The following CHODL variants were observed in gnomAD, a reference collection of about 807,000 sequenced individuals.
The protein encoded by CHODL is transmembrane protein MT75.
A neutral mutation model predicts 34.5 loss-of-function variants in CHODL; 29 were observed. The observed-to-expected ratio is 0.84, with a 90% CI of 0.63 to 1.15. The LOEUF (loss-of-function observed/expected upper bound fraction) is 1.15. Among genes scored for constraint, CHODL ranks in the 50% most tolerant of loss-of-function variants. The pLI is 0.00. For missense variants in CHODL, 332 were observed against 332.5 expected, an observed-to-expected ratio of 1.00 and a Z score of 0.01; for synonymous variants, 125 against 116.1, an observed-to-expected ratio of 1.08 and a Z score of -0.49.
Position 18,174,959 on chromosome 21 carries a change from A to T in CHODL, c.-44-81550A>T, listed in dbSNP as rs537824617. 5.8e-4 allele frequency among the ~76,000 whole-genome samples: 88 copies of T among 152,316 alleles called. 1 individual carries two copies. In the South Asian group the frequency reaches 0.017, roughly 29 times the overall value. ...AATCCTTGATTTTCCACTTTCAGCTATGTTTCTTTTAGCAAGACAAACTTC... is the reference window on the plus strand; with the variant it reads ...AATCCTTGATTTTCCACTTTCAGCTTTGTTTCTTTTAGCAAGACAAACTTC... On this transcript the variant is annotated intron_variant, in intron 2 of 6. Transcript: ENST00000400127.
At position 18,143,720 on chromosome 21, in the gene CHODL, CTAGGTGA is replaced by C. The variant is rs1459224407; in HGVS notation, c.-44-112785_-44-112779del. On this transcript the variant is annotated intron_variant, in intron 2 of 6. Transcript: ENST00000400127. ...GCATAGTGTCCAGAACATATTAATG[CTAGGTGA>C]TAGTTGGCCATTATTATAACTCAAT... Among the ~76,000 whole-genome samples, 16 of 152,062 alleles carry C rather than the reference CTAGGTGA, an allele frequency of 1.1e-4. No individual in the cohort carries two copies. In the East Asian group the frequency reaches 2.9e-3, roughly 27 times the overall value.
chr21:18,135,782 A>G (rs1295214878), intron 2 of CHODL, among the ~76,000 whole-genome samples: 1 of 152,134 alleles, frequency 6.6e-6, no homozygotes, highest in East Asian at 1.9e-4. Flanking sequence ...TAGTTGTTCA[A>G]TATAAGTGTT....
intron 2 of CHODL, among the ~76,000 whole-genome samples, chr21:18,105,309 A>G (rs2065260396): frequency 6.6e-6 from 1 of 152,194 alleles, no homozygotes; most frequent in African/African-American, 2.4e-5. Context: ...GCTGTAGCAG[A>G]GCAAGCTGTG....
intron 2 of CHODL, among the ~76,000 whole-genome samples, chr21:18,180,987 A>G (rs1005056654): frequency 6.6e-6 from 1 of 152,202 alleles, no homozygotes; most frequent in Non-Finnish European, 1.5e-5. Flanking sequence ...TAAATGCTAA[A>G]TAAATTATAA....
At chr21:18,083,846 A>G (rs1241667570) in intron 2 of CHODL, among the ~76,000 whole-genome samples, 1 of 152,212 alleles carries the variant, frequency 6.6e-6, no homozygotes, top group Admixed American at 6.5e-5. Flanking sequence ...CATGGACAGA[A>G]GGGACTTGCC....
intron 1 of CHODL, among the ~76,000 whole-genome samples, chr21:17,924,669 A>G (rs1452957005): frequency 6.6e-6 from 1 of 152,242 alleles, no homozygotes; most frequent in Non-Finnish European, 1.5e-5. Context: ...TGGACTTTTT[A>G]TTATCTGAAA....
intron 2 of CHODL, among the ~76,000 whole-genome samples, chr21:18,214,030 T>C (rs1370781910): frequency 6.6e-6 from 1 of 152,076 alleles, no homozygotes; most frequent in Non-Finnish European, 1.5e-5. Flanking sequence ...GCCAAGTCTT[T>C]TCTCAAGAAG....
At chr21:18,008,346 G>T (rs2063980156) in intron 1 of CHODL, among the ~76,000 whole-genome samples, 1 of 151,750 alleles carries the variant, frequency 6.6e-6, no homozygotes, top group African/African-American at 2.4e-5. Context: ...TGTAACAATA[G>T]TTAACATTAA....
intron 1 of CHODL, among the ~76,000 whole-genome samples, chr21:18,027,208 A>G (rs1246254145): frequency 6.6e-6 from 1 of 152,126 alleles, no homozygotes; most frequent in Non-Finnish European, 1.5e-5. Context: ...CAGGAATTTG[A>G]GGCTGCAGTG....
chr21:18,028,266 TTTTCCTTTTCCCCTTCCTTCC>T (rs1568851004), intron 2 of CHODL, among the ~76,000 whole-genome samples: 7 of 44,304 alleles, frequency 1.6e-4, no homozygotes, highest in Admixed American at 7.3e-4. Flanking sequence ...TTCTTTTTCT[TTTTCCTTTTCCCCTTCCTTCC>T]TTCCTTCCTT....
chr21:17,987,244 G>A (rs907582346), intron 1 of CHODL, among the ~76,000 whole-genome samples: 2 of 152,002 alleles, frequency 1.3e-5, no homozygotes, highest in East Asian at 3.9e-4. Flanking sequence ...CCAGGGACAG[G>A]GTTTCTACCA....
intron 1 of CHODL, among the ~76,000 whole-genome samples, chr21:18,015,619 A>G (rs2064065499): frequency 6.6e-6 from 1 of 152,162 alleles, no homozygotes; most frequent in Non-Finnish European, 1.5e-5. Flanking sequence ...AGAAGAAGAC[A>G]GGAAAATGAG....
intron 2 of CHODL, among the ~76,000 whole-genome samples, chr21:18,208,582 G>T (rs1232950376): frequency 6.6e-6 from 1 of 151,956 alleles, no homozygotes; most frequent in Non-Finnish European, 1.5e-5. Flanking sequence ...GAATAGCTAA[G>T]CATTTATTGC....
intron 1 of CHODL, among the ~76,000 whole-genome samples, chr21:17,921,481 C>G (rs564972604): frequency 6.6e-6 from 1 of 152,282 alleles, no homozygotes; most frequent in African/African-American, 2.4e-5. Context: ...TGCTTTCTTC[C>G]TTTGCTACTT....
At chr21:18,204,159 G>A (rs1001501715) in intron 2 of CHODL, among the ~76,000 whole-genome samples, 2 of 151,952 alleles carry the variant, frequency 1.3e-5, no homozygotes, top group Non-Finnish European at 2.9e-5. Context: ...ACTGCTTAAC[G>A]TGATAGCTAA....
intron 2 of CHODL, among the ~76,000 whole-genome samples, chr21:18,063,094 A>T (rs2064689356): frequency 6.6e-6 from 1 of 152,232 alleles, no homozygotes; most frequent in Non-Finnish European, 1.5e-5. Context: ...ATAACTGAAG[A>T]TCAGAATTAG....
intron 1 of CHODL, among the ~76,000 whole-genome samples, chr21:17,931,374 A>G (rs1487380119): frequency 6.6e-6 from 1 of 152,220 alleles, no homozygotes; most frequent in Non-Finnish European, 1.5e-5. Flanking sequence ...CTCAACTTAT[A>G]CTATAGTCAC....
intron 2 of CHODL, among the ~76,000 whole-genome samples, chr21:18,197,448 CAAAAAATACAA>C (rs2073602497): frequency 6.6e-6 from 1 of 151,878 alleles, no homozygotes; most frequent in Non-Finnish European, 1.5e-5. Flanking sequence ...CTGTCTCTAC[CAAAAAATACAA>C]AAGATTAGCC....
chr21:18,188,514 T>C (rs2073471335), intron 2 of CHODL, among the ~76,000 whole-genome samples: 1 of 152,226 alleles, frequency 6.6e-6, no homozygotes, highest in African/African-American at 2.4e-5. Context: ...AATAGAAATC[T>C]TTATTGATGA....
Sources: allele counts gnomAD v4.1 joint callset (sites outside exome capture counted in the v4.1 genomes callset), GRCh38; gene constraint gnomAD v4.1.1; transcripts MANE v1.5; gene names NCBI Gene and HGNC (gene_info 2026-07-23, HGNC 2026-07-21).